PXDNL: variants seen among roughly 807,000 people sequenced by gnomAD.
PXDNL encodes peroxidasin like.
Under a neutral mutation model 150.8 loss-of-function variants are expected in PXDNL, and 145 were observed. The observed-to-expected ratio is 0.96, with a 90% CI of 0.84 to 1.10. PXDNL has a LOEUF of 1.10. Ranked by LOEUF, PXDNL falls within the 50% of genes least tolerant of loss-of-function variation. The pLI is 0.00. For missense variants in PXDNL, 2,087 were observed against 1,873.9 expected (o/e 1.11, Z -2.10); for synonymous variants, 757 against 725.7 (o/e 1.04, Z -0.69).
chr8:51,601,891 T>TAAG (rs1813730566), intron 2 of PXDNL, among the ~76,000 whole-genome samples: 1 of 152,048 alleles, frequency 6.6e-6, no homozygotes. Flanking sequence ...AGAACTTCAT[T>TAAG]AAGAATCTCA....
chr8:51,387,697 C>T (rs185075526), intron 17 of PXDNL, among the ~76,000 whole-genome samples: 50 of 152,192 alleles, frequency 3.3e-4, no homozygotes, highest in Admixed American at 1.2e-3. Flanking sequence ...ATGAATATTA[C>T]GGTAAAAAGA....
chr8:51,745,294 C>G (rs2036970791), intron 1 of PXDNL, among the ~76,000 whole-genome samples: 1 of 152,044 alleles, frequency 6.6e-6, no homozygotes, highest in Admixed American at 6.6e-5. Context: ...AAGATTCTAG[C>G]TTTCAAAAAA....
intron 1 of PXDNL, among the ~76,000 whole-genome samples, chr8:51,658,117 G>A (rs1350738983): frequency 6.6e-6 from 1 of 152,018 alleles, no homozygotes; most frequent in Non-Finnish European, 1.5e-5. Context: ...GCTGAGGCAG[G>A]AGGACCCTTG....
intron 1 of PXDNL, among the ~76,000 whole-genome samples, chr8:51,768,945 G>A (rs2037260981): frequency 6.6e-6 from 1 of 152,050 alleles, no homozygotes; most frequent in South Asian, 2.1e-4. Flanking sequence ...AATAAAAAAT[G>A]AAAAAAATTA....
At chr8:51,549,799 C>A (rs1198466664) in intron 4 of PXDNL, among the ~76,000 whole-genome samples, 1 of 151,944 alleles carries the variant, frequency 6.6e-6, no homozygotes, top group Non-Finnish European at 1.5e-5. Context: ...AAGCCAAACC[C>A]AAAACCAGCA....
rs2129857553 is a variant in PXDNL at position 51,438,060 on chromosome 8, G to A, written c.1525+8944C>T. Among the ~76,000 whole-genome samples, 5 of 152,148 alleles carry A rather than the reference G, an allele frequency of 3.3e-5. No individual in the cohort carries two copies. In the South Asian group the frequency reaches 1.0e-3, roughly 32 times the overall value. ...CAGGAACTCAACTCCTTTTACAATA[G>A]CTGCAAAAAATAAAATAAAATAAAC... is the stretch of plus-strand genomic sequence containing the variant. On this transcript the variant is annotated intron_variant, in intron 12 of 22. Transcript: ENST00000356297.
chr8:51,434,062 C>T (rs1325291897), intron 12 of PXDNL, among the ~76,000 whole-genome samples: 1 of 152,116 alleles, frequency 6.6e-6, no homozygotes. Context: ...AGCCCTCATT[C>T]TTGAACACTT....
chr8:51,762,182 C>A (rs1285155105), intron 1 of PXDNL, among the ~76,000 whole-genome samples: 1 of 152,160 alleles, frequency 6.6e-6, no homozygotes, highest in Non-Finnish European at 1.5e-5. Context: ...GCCCTACAAA[C>A]CATAAATTCT....
At chr8:51,787,187 A>C (rs1296455014) in intron 1 of PXDNL, among the ~76,000 whole-genome samples, 2 of 152,196 alleles carry the variant, frequency 1.3e-5, no homozygotes, top group Admixed American at 1.3e-4. Flanking sequence ...GAGATGTACA[A>C]GGAGATTAAT....
intron 20 of PXDNL, among the ~76,000 whole-genome samples, chr8:51,341,344 A>G (rs1191677350): frequency 6.6e-6 from 1 of 152,232 alleles, no homozygotes. Flanking sequence ...GGACATGTGC[A>G]TATATACCTG....
chr8:51,434,214 C>T (rs559536192), intron 12 of PXDNL, among the ~76,000 whole-genome samples: 5 of 152,148 alleles, frequency 3.3e-5, no homozygotes, highest in Admixed American at 6.5e-5. Context: ...TCGATTCCAG[C>T]GTCTTTTGGC....
chr8:51,765,030 A>G (rs994507921), intron 1 of PXDNL, among the ~76,000 whole-genome samples: 2 of 152,098 alleles, frequency 1.3e-5, no homozygotes, highest in Non-Finnish European at 2.9e-5. Flanking sequence ...CATTATTTTA[A>G]AACAGTCTCC....
intron 1 of PXDNL, among the ~76,000 whole-genome samples, chr8:51,723,205 G>GAA (rs5891428): frequency 2.1e-4 from 32 of 150,808 alleles, no homozygotes; most frequent in East Asian, 1.4e-3. Context: ...ATAGTATTCA[G>GAA]AAAAAAAAAA....
At chr8:51,370,358 C>T (rs1418139780) in intron 19 of PXDNL, among the ~76,000 whole-genome samples, 2 of 152,174 alleles carry the variant, frequency 1.3e-5, no homozygotes, top group African/African-American at 4.8e-5. Context: ...TCCCTCTGCT[C>T]AGCAGGCCCT....
chr8:51,481,581 C>T (rs1178129391), intron 6 of PXDNL, among the ~76,000 whole-genome samples: 1 of 152,186 alleles, frequency 6.6e-6, no homozygotes, highest in Non-Finnish European at 1.5e-5. Context: ...TTCACAGCAG[C>T]TCCTCCCATC....
At chr8:51,504,025 T>C (rs536058981) in intron 4 of PXDNL, among the ~76,000 whole-genome samples, 3 of 152,134 alleles carry the variant, frequency 2.0e-5, no homozygotes, top group African/African-American at 7.2e-5. Flanking sequence ...GTATATCTAT[T>C]TGCGCAACTC....
At chr8:51,652,438 C>G (rs1815060335) in intron 2 of PXDNL, among the ~76,000 whole-genome samples, 1 of 142,516 alleles carries the variant, frequency 7.0e-6, no homozygotes, top group South Asian at 2.4e-4. Flanking sequence ...CTCTCTCTCT[C>G]TCACACACAC....
At chr8:51,345,747 T>C (rs1586018893) in intron 20 of PXDNL, 86 bp downstream of exon 20, 1 of 693,510 alleles carries the variant, frequency 1.4e-6, no homozygotes, top group East Asian at 2.7e-5. Flanking sequence ...AACTGTGGTC[T>C]CTATTAAAAA....
chr8:51,337,872 CAA>C (rs34248614), intron 21 of PXDNL, among the ~76,000 whole-genome samples: 6 of 128,180 alleles, frequency 4.7e-5, no homozygotes, highest in Admixed American at 8.2e-5. Context: ...GACTCCATCT[CAA>C]AAAAAAAAAA....
Sources: allele counts gnomAD v4.1 joint callset (sites outside exome capture counted in the v4.1 genomes callset), GRCh38; gene constraint gnomAD v4.1.1; transcripts MANE v1.5; gene names NCBI Gene and HGNC (gene_info 2026-07-23, HGNC 2026-07-21).